Variants in ZDHHC14 observed in about 807,000 individuals in gnomAD.
ZDHHC14 encodes the protein palmitoyltransferase ZDHHC14.
Under a neutral mutation model 47.7 loss-of-function variants are expected in ZDHHC14, and 16 were observed. That is an observed-to-expected ratio of 0.34 (90% CI 0.23 to 0.51). The LOEUF (loss-of-function observed/expected upper bound fraction) is 0.51. Among genes scored for constraint, ZDHHC14 ranks in the 20% least tolerant of loss-of-function variants. The probability of loss-of-function intolerance (pLI) is 0.97; values close to 1 mark genes in which losing one functional copy is unlikely to be tolerated. For missense variants in ZDHHC14, 515 were observed against 662.5 expected, an observed-to-expected ratio of 0.78 and a Z score of 2.44; for synonymous variants, 293 against 278.9, an observed-to-expected ratio of 1.05 and a Z score of -0.50.
At chr6:157,487,895 A>C (rs1320125222) in intron 1 of ZDHHC14, among the ~76,000 whole-genome samples, 3 of 152,046 alleles carry the variant, frequency 2.0e-5, no homozygotes, top group East Asian at 1.9e-4. Flanking sequence ...AGCCCCTTCC[A>C]GGTCTCAGAG....
At chr6:157,547,078 G>A (rs914778806) in intron 2 of ZDHHC14, among the ~76,000 whole-genome samples, 9 of 152,206 alleles carry the variant, frequency 5.9e-5, no homozygotes, top group African/African-American at 1.4e-4. Flanking sequence ...ATTCACTTGC[G>A]TTGTGGCAGA....
At chr6:157,404,297 C>T (rs142042745) in intron 1 of ZDHHC14, among the ~76,000 whole-genome samples, 7 of 152,136 alleles carry the variant, frequency 4.6e-5, no homozygotes, top group South Asian at 2.1e-4. Flanking sequence ...CCACCATGTC[C>T]GGCTAATTTT....
intron 1 of ZDHHC14, among the ~76,000 whole-genome samples, chr6:157,449,826 G>A (rs976783229): frequency 6.6e-6 from 1 of 152,154 alleles, no homozygotes; most frequent in Non-Finnish European, 1.5e-5. Flanking sequence ...GCAAACTGCT[G>A]CTTTGAATTT....
intron 8 of ZDHHC14, among the ~76,000 whole-genome samples, chr6:157,663,038 T>A (rs1778410716): frequency 6.6e-6 from 1 of 152,238 alleles, no homozygotes. Context: ...CACATATGAT[T>A]ACATGGAAAT....
At chr6:157,405,422 C>T (rs983905166) in intron 1 of ZDHHC14, among the ~76,000 whole-genome samples, 8 of 152,196 alleles carry the variant, frequency 5.3e-5, no homozygotes, top group East Asian at 1.9e-4. Context: ...TTAGTAGAGA[C>T]GGGGTTTCAC....
At chr6:157,615,326 G>C (rs1324871467) in intron 3 of ZDHHC14, among the ~76,000 whole-genome samples, 2 of 152,166 alleles carry the variant, frequency 1.3e-5, no homozygotes, top group Non-Finnish European at 2.9e-5. Flanking sequence ...CTGCTGGCAG[G>C]GGTATTGATG....
intron 1 of ZDHHC14, among the ~76,000 whole-genome samples, chr6:157,492,966 C>T (rs1329409970): frequency 1.3e-5 from 2 of 152,216 alleles, no homozygotes; most frequent in Non-Finnish European, 2.9e-5. Flanking sequence ...TAAGATATTA[C>T]AGCAGGGGAG....
chr6:157,531,291 GC>G (rs35831496), intron 1 of ZDHHC14, among the ~76,000 whole-genome samples: 135,767 of 151,516 alleles, frequency 0.9, 61,172 homozygotes, highest in African/African-American at 0.97. Flanking sequence ...CAACGCCCCT[GC>G]CCCCCCCGGA....
chr6:157,628,334 TGC>T lies in ZDHHC14; in HGVS notation c.566-14_566-13del. The T allele has an allele frequency of 6.4e-7, 1 of 1,572,820 alleles. No homozygotes were observed. ...TTGATTTCCACTTTTTTTTTTTTTC[TGC>T]CTCTCATTTCAGAACGGTTTGATCA... is the stretch of plus-strand genomic sequence containing the variant. On this transcript the variant is annotated splice_polypyrimidine_tract_variant and intron_variant, in intron 3 of 8. Coordinates refer to ENST00000359775, the MANE Select transcript of ZDHHC14 (RefSeq NM_024630.3).
intron 1 of ZDHHC14, among the ~76,000 whole-genome samples, chr6:157,468,959 C>G (rs921503318): frequency 2.0e-5 from 3 of 152,222 alleles, no homozygotes; most frequent in Non-Finnish European, 4.4e-5. Context: ...ACCCAGGTCT[C>G]TATTCCCCTA....
At chr6:157,462,297 G>C (rs186282979) in intron 1 of ZDHHC14, among the ~76,000 whole-genome samples, 69 of 152,262 alleles carry the variant, frequency 4.5e-4, no homozygotes, top group Admixed American at 1.7e-3. Flanking sequence ...TTCTTTTCCA[G>C]TATATTTTCT....
At chr6:157,616,898 C>T (rs1784988000) in intron 3 of ZDHHC14, among the ~76,000 whole-genome samples, 1 of 152,176 alleles carries the variant, frequency 6.6e-6, no homozygotes, top group Non-Finnish European at 1.5e-5. Flanking sequence ...GCCACAAGGA[C>T]CTCTGATGGG....
At chr6:157,496,973 T>G (rs1309042068) in intron 1 of ZDHHC14, among the ~76,000 whole-genome samples, 3 of 151,998 alleles carry the variant, frequency 2.0e-5, no homozygotes, top group Non-Finnish European at 4.4e-5. Flanking sequence ...ATATTGTGTG[T>G]GGGTAGAGGT....
chr6:157,411,398 G>A (rs756264466), intron 1 of ZDHHC14, among the ~76,000 whole-genome samples: 18 of 152,090 alleles, frequency 1.2e-4, no homozygotes, highest in Non-Finnish European at 4.4e-5. Context: ...AATGCATCTC[G>A]ATAAATCTGT....
chr6:157,385,519 C>G (rs1293429936), intron 1 of ZDHHC14, among the ~76,000 whole-genome samples: 3 of 152,248 alleles, frequency 2.0e-5, no homozygotes, highest in African/African-American at 7.2e-5. Flanking sequence ...TAGCCCTCCC[C>G]TGTCTGCAAT....
intron 3 of ZDHHC14, among the ~76,000 whole-genome samples, chr6:157,601,973 G>A (rs1784352550): frequency 1.3e-5 from 2 of 152,150 alleles, no homozygotes; most frequent in African/African-American, 4.8e-5. Flanking sequence ...GGAGGCCGAG[G>A]CGGGCAGATC....
Position 157,677,712 on chromosome 6 carries a change from A to G in ZDHHC14, c.*4590A>G, listed in dbSNP as rs1442822231. ...TTTTAAAAGAAACTTGATATTGGTG[A>G]TAAAGGTATGAATGAACAACTCTCT... On this transcript the variant is annotated 3_prime_UTR_variant, in exon 9 of 9. Coordinates refer to ENST00000359775, the MANE Select transcript of ZDHHC14 (RefSeq NM_024630.3). 6.6e-6 allele frequency: 1 copy of G among 151,990 alleles called. No individual in the cohort carries two copies. The highest frequency in any genetic ancestry group is 1.5e-5 in the Non-Finnish European group (1 of 68,054). The allele number at this position is 151,990 out of a possible 1,614,324, so 9.4% of individuals were successfully genotyped here.
intron 2 of ZDHHC14, among the ~76,000 whole-genome samples, chr6:157,574,767 A>G (rs1025884382): frequency 6.6e-6 from 1 of 152,162 alleles, no homozygotes; most frequent in South Asian, 2.1e-4. Flanking sequence ...ACATCGTCTC[A>G]AGCTTGTATT....
intron 1 of ZDHHC14, among the ~76,000 whole-genome samples, chr6:157,426,135 C>T (rs1296922164): frequency 6.6e-6 from 1 of 152,148 alleles, no homozygotes; most frequent in Non-Finnish European, 1.5e-5. Flanking sequence ...GGTCATGCTG[C>T]TCACGTTCAG....
Sources: allele counts gnomAD v4.1 joint callset (sites outside exome capture counted in the v4.1 genomes callset), GRCh38; gene constraint gnomAD v4.1.1; transcripts MANE v1.5; gene names NCBI Gene and HGNC (gene_info 2026-07-23, HGNC 2026-07-21).